Variants in USF1 observed in about 807,000 individuals in gnomAD.
The protein encoded by USF1 is upstream transcription factor 1.
A neutral mutation model predicts 46.3 loss-of-function variants in USF1; 22 were observed. That is an observed-to-expected ratio of 0.47 (90% CI 0.34 to 0.68). The LOEUF is 0.68. USF1 is among the 30% of genes least tolerant of loss of function. USF1 has a pLI of 0.01. For synonymous variants in USF1, 150 were observed against 147.0 expected (o/e 1.02, Z -0.15); for missense variants, 287 against 399.3 (o/e 0.72, Z 2.40).
chr1:161,043,748 G>A (rs76746699), intron 1 of USF1, among the ~76,000 whole-genome samples: 6 of 144,222 alleles, frequency 4.2e-5, no homozygotes, highest in African/African-American at 5.2e-5. Context: ...CTCAGCCTCC[G>A]GAGTAGCTGG....
intron 2 of USF1, 37 bp downstream of exon 2, chr1:161,043,231 C>T: frequency 6.2e-7 from 1 of 1,614,198 alleles, no homozygotes; most frequent in South Asian, 1.1e-5. Context: ...CCAGGCCACC[C>T]ATCTTTCATC....
chr1:161,040,520 C>A lies in USF1; in HGVS notation c.714+56G>T. The A allele has an allele frequency of 6.3e-7, 1 of 1,591,140 alleles. No homozygotes were observed. Among genetic ancestry groups the A allele is most frequent in the Non-Finnish European group, 8.6e-7 (1 of 1,167,422 alleles). On this transcript the variant is annotated intron_variant, in intron 9 of 10. Transcript: ENST00000368021. This position sits in a 1 kb window ranked among gnomAD's most constrained non-coding sequence, Gnocchi z 4.0. ...CCCCTCTCTCTACCATTTCTGGAAA[C>A]AATACCAGGAGGCAGAATTCAGGCA...
intron 1 of USF1, 141 bp from the exon 2 acceptor site, chr1:161,043,501 T>C: frequency 1.5e-6 from 1 of 645,694 alleles, no homozygotes; most frequent in Non-Finnish European, 2.6e-6. Flanking sequence ...CATACTGATG[T>C]TGAGGACTGG....
rs771356934 is a variant in USF1 at position 161,042,113 on chromosome 1, T to C, written c.276+3A>G. 6.2e-7 allele frequency: 1 copy of C among 1,612,416 alleles called. No homozygotes were observed. The highest frequency in any genetic ancestry group is 8.5e-7 in the Non-Finnish European group (1 of 1,179,064). On this transcript the variant is annotated splice_donor_region_variant and intron_variant, in intron 5 of 10. Coordinates refer to ENST00000368021, the MANE Select transcript of USF1 (RefSeq NM_007122.5). ...AGTGACCTCCCCAGCCCATACCCTG[T>C]ACCTGGGTCATGGATTGAGTGGCAG... is the stretch of plus-strand genomic sequence containing the variant.
chr1:161,043,108 C>T, intron 2 of USF1, 160 bp downstream of exon 2: 6 of 1,346,732 alleles, frequency 4.5e-6, no homozygotes, highest in African/African-American at 4.3e-5. Flanking sequence ...ATAGATAGCA[C>T]TACTTCCATT....
At chr1:161,044,446 C>A (rs954671358) in intron 1 of USF1, among the ~76,000 whole-genome samples, 3 of 152,162 alleles carry the variant, frequency 2.0e-5, no homozygotes, top group Non-Finnish European at 4.4e-5. Flanking sequence ...ATCTGAAGCC[C>A]ACTACCACTG....
intron 1 of USF1, among the ~76,000 whole-genome samples, chr1:161,045,279 G>A (rs1650754606): frequency 6.6e-6 from 1 of 152,186 alleles, no homozygotes. Flanking sequence ...CATTTCCTAG[G>A]CATTAGGGAT....
chr1:161,040,137 G>C lies in USF1; in HGVS notation c.843+65C>G. 6.2e-7 allele frequency: 1 copy of C among 1,610,674 alleles called. No homozygotes were observed. Reference sequence around the variant, plus strand: ...CCTTCTCCATGGAGAACAAAGTAGAGGGTGTCAAACTGGGTCAGTGGCTAG... The same window carrying C: ...CCTTCTCCATGGAGAACAAAGTAGACGGTGTCAAACTGGGTCAGTGGCTAG... On this transcript the variant is annotated intron_variant, in intron 10 of 10. Coordinates refer to ENST00000368021, the MANE Select transcript of USF1 (RefSeq NM_007122.5). This position sits in a 1 kb window ranked among gnomAD's most constrained non-coding sequence, Gnocchi z 4.0.
intron 4 of USF1, 33 bp downstream of exon 4, chr1:161,042,522 T>A (rs771402225): frequency 1.4e-5 from 23 of 1,611,134 alleles, no homozygotes; most frequent in East Asian, 2.2e-5. Context: ...CAACCCCAGA[T>A]AACACCTGCA....
rs376757425 is a variant in USF1 at position 161,041,719 on chromosome 1, C to T, written c.404G>A (p.Ser135Asn). ...CTGGGTAGTAACAACAGCAGCTGTA[C>T]TCCCCGATGTGGTACCCCCTGCCCC... ...GDGAGGTTSGSTAAVVTTQGS... is the reference protein window; with the variant it reads ...GDGAGGTTSGNTAAVVTTQGS... The change falls in exon 6 of 11, where the codon AGT (serine) becomes AAT (asparagine). Residue 135 changes from serine to asparagine, a missense_variant. Ser to Asn is a conservative substitution (Grantham distance 46). Coordinates refer to ENST00000368021, the MANE Select transcript of USF1 (RefSeq NM_007122.5). 8.1e-6 allele frequency: 13 copies of T among 1,613,992 alleles called. No homozygotes were observed. The highest frequency in any genetic ancestry group is 1.3e-5 in the African/African-American group (1 of 74,908).
intron 1 of USF1, among the ~76,000 whole-genome samples, chr1:161,044,758 G>A (rs1650727040): frequency 6.6e-6 from 1 of 151,616 alleles, no homozygotes; most frequent in South Asian, 2.1e-4. Context: ...CTCTGCCTTA[G>A]GACCCTGACA....
In USF1 at chr1:161,040,898, G is replaced by C. The variant is rs1486427942; in HGVS notation, c.561-26C>G. On this transcript the variant is annotated intron_variant, in intron 7 of 10. Transcript: ENST00000368021. The surrounding 1 kb of genome is among the most constrained non-coding windows in gnomAD (Gnocchi z 4.0). Reference sequence around the variant, plus strand: ...CTGACAACAGAGCCCAGGGTGGCCAGAGTAAGAAGACAAAATACATGATTG... The same window carrying C: ...CTGACAACAGAGCCCAGGGTGGCCACAGTAAGAAGACAAAATACATGATTG... 1.9e-6 allele frequency: 3 copies of C among 1,613,884 alleles called. No homozygotes were observed. The highest frequency in any genetic ancestry group is 2.7e-5 in the African/African-American group (2 of 75,004).
At chr1:161,042,042 C>A (rs763917064) in intron 5 of USF1, 74 bp downstream of exon 5, 67 of 1,494,782 alleles carry the variant, frequency 4.5e-5, no homozygotes, top group Non-Finnish European at 6.0e-5. Context: ...CCTAGCTTCA[C>A]CCCCATCCTA....
chr1:161,044,108 A>C (rs1489489110), intron 1 of USF1, among the ~76,000 whole-genome samples: 1 of 151,782 alleles, frequency 6.6e-6, no homozygotes, highest in African/African-American at 2.4e-5. Context: ...ACGCCCAGCT[A>C]ATTTTTGTAT....
rs1269430765 is a variant in USF1 at position 161,041,418 on chromosome 1, A to G, written c.473-7T>C. The G allele has an allele frequency of 6.2e-7, 1 of 1,613,328 alleles. No individual in the cohort carries two copies. The highest frequency in any genetic ancestry group is 8.5e-7 in the Non-Finnish European group (1 of 1,179,812). On this transcript the variant is annotated splice_polypyrimidine_tract_variant and splice_region_variant and intron_variant, in intron 6 of 10. Coordinates refer to ENST00000368021, the MANE Select transcript of USF1 (RefSeq NM_007122.5). ...ATCATCACAAAGAATTGACCTGTGA[A>G]GATGCAGGGTAGGTTCTGTCAGGAC...
At chr1:161,041,494 C>G (rs1650558738) in intron 6 of USF1, 83 bp from the exon 7 acceptor site, 8 of 1,512,784 alleles carry the variant, frequency 5.3e-6, no homozygotes, top group Non-Finnish European at 7.2e-6. Flanking sequence ...GTCCCCTCCT[C>G]TAAAAAGAAC....
intron 7 of USF1, 46 bp downstream of exon 7, chr1:161,041,261 CAAAAAAAAAAAAAAAAA>C: frequency 1.5e-6 from 1 of 664,488 alleles, no homozygotes; most frequent in South Asian, 2.0e-5. Flanking sequence ...GACTCTGTCT[CAAAAAAAAAAAAAAAAA>C]AAAAAAACCA....
At chr1:161,042,939 A>C in intron 2 of USF1, 57 bp from the exon 3 acceptor site, 27 of 1,609,776 alleles carry the variant, frequency 1.7e-5, no homozygotes, top group Non-Finnish European at 2.2e-5. Flanking sequence ...TGAGAAGCTC[A>C]CTGGCCCAGT....
In USF1 at chr1:161,040,830, C is replaced by T. The variant is rs764809151; in HGVS notation, c.603G>A (p.Arg201=). The change falls in exon 8 of 11, where the codon AGG becomes AGA. Residue 201 remains arginine (R), a synonymous_variant. Transcript: ENST00000368021. This position sits in a 1 kb window ranked among gnomAD's most constrained non-coding sequence, Gnocchi z 4.0. ...CATACCTACCTTCATTATGCTGAGC[C>T]CTGCGTTTCTCATCCCGAGTCGTCC... ...APRTTRDEKR[R]AQHNEVERRR... 7.4e-6 allele frequency: 12 copies of T among 1,613,972 alleles called. No homozygotes were observed. The Middle Eastern group carries it at 4.9e-4, about 66-fold the overall frequency.
Sources: gnomAD v4.1 joint callset for allele counts (sites outside exome capture counted in the v4.1 genomes callset) on GRCh38, gnomAD v4.1.1 for gene constraint, Gnocchi (gnomAD v3.1) non-coding constraint, MANE v1.5 for transcripts, NCBI Gene and HGNC (gene_info 2026-07-23, HGNC 2026-07-21) for gene names.